PREB: variants seen among roughly 807,000 people sequenced by gnomAD.
The protein encoded by PREB is guanine nucleotide-exchange factor SEC12.
A neutral mutation model predicts 46.7 loss-of-function variants in PREB; 29 were observed. That is an observed-to-expected ratio of 0.62 (90% CI 0.46 to 0.85). The LOEUF is 0.85. PREB is among the 40% of genes least tolerant of loss of function. The probability of loss-of-function intolerance (pLI) is 0.00; values close to 1 mark genes in which losing one functional copy is unlikely to be tolerated. For missense variants in PREB, 494 were observed against 528.4 expected (o/e 0.93, Z 0.64); for synonymous variants, 224 against 220.1 (o/e 1.02, Z -0.16).
In PREB at chr2:27,132,347, G is replaced by A. The variant is rs11542375; in HGVS notation, c.809C>T (p.Pro270Leu). ...AGGGGGCTGGCGCAGGCGCTTGTGG[G>A]GAATTTGCACTGTGAAGAGTCGCAG... ...AGLRLFTVQI[P>L]HKRLRQPPPC... Residue 270 changes from proline to leucine, a missense_variant, in exon 6 of 9, where the codon CCC (proline) becomes CTC (leucine). Coordinates refer to ENST00000260643, the MANE Select transcript of PREB (RefSeq NM_013388.6). This position sits in a 1 kb window ranked among gnomAD's most constrained non-coding sequence, Gnocchi z 4.0. 6.2e-7 allele frequency: 1 copy of A among 1,613,964 alleles called. No individual in the cohort carries two copies. The highest frequency in any genetic ancestry group is 8.5e-7 in the Non-Finnish European group (1 of 1,180,008).
Position 27,133,125 on chromosome 2 carries a change from C to A in PREB, c.538G>T (p.Val180Phe), listed in dbSNP as rs780169483. ...ATGGTDGYVR[V>F]WKVPSLEKVL... ...ACCCTGCAAACCCACACCTTCCAGA[C>A]ACGGACGTAGCCATCTGTTCCTCCA... The change falls in exon 3 of 9, where the codon GTC (valine) becomes TTC (phenylalanine). Residue 180 changes from valine to phenylalanine, a missense_variant. Physicochemically the swap from Val to Phe is conservative, Grantham distance 50. Transcript: ENST00000260643. The A allele has an allele frequency of 4.3e-6, 7 of 1,614,190 alleles. No individual in the cohort carries two copies. In the South Asian group the frequency reaches 5.5e-5, roughly 13 times the overall value.
At chr2:27,133,927 C>T (rs2148420924) in intron 1 of PREB, 2 of 630,050 alleles carry the variant, frequency 3.2e-6, no homozygotes, top group Admixed American at 3.1e-5. Context: ...CAGGGTGAAG[C>T]TCAGGAGAGG....
chr2:27,134,432 G>A lies in PREB; in HGVS notation c.-11C>T. On this transcript the variant is annotated 5_prime_UTR_variant, in exon 1 of 9. Coordinates refer to ENST00000260643, the MANE Select transcript of PREB (RefSeq NM_013388.6). ...CCGGCGCCGGCCCATCCCGCCCGGCGCGCGTTCACTGCCCGCACCGCGGCA... is the reference window on the plus strand; with the variant it reads ...CCGGCGCCGGCCCATCCCGCCCGGCACGCGTTCACTGCCCGCACCGCGGCA... The A allele has an allele frequency of 1.9e-6, 3 of 1,551,998 alleles. No homozygotes were observed. The highest frequency in any genetic ancestry group is 2.6e-6 in the Non-Finnish European group (3 of 1,155,928).
chr2:27,133,734 G>A lies in PREB; in HGVS notation c.136-13C>T. 6.2e-7 allele frequency: 1 copy of A among 1,612,494 alleles called. No individual in the cohort carries two copies. On this transcript the variant is annotated splice_polypyrimidine_tract_variant and intron_variant, in intron 1 of 8. Transcript: ENST00000260643. ...GCTGCAGAAAGTGCTGTGGGAGGGG[G>A]AACCCGGATGAGCAAGTTCAGGGGT... is the stretch of plus-strand genomic sequence containing the variant.
rs1572344319 is a variant in PREB, at chr2:27,131,007, G to T, written c.*407C>A. On this transcript the variant is annotated 3_prime_UTR_variant, in exon 9 of 9. Transcript: ENST00000260643. ...CCCCAGCAAATGCCAGGGGCTTCAT[G>T]TGAAGAGGAACTGGCCACAAGGCTG... The T allele has an allele frequency of 1.8e-6, 1 of 555,774 alleles. No homozygotes were observed. The highest frequency in any genetic ancestry group is 3.2e-6 in the Non-Finnish European group (1 of 311,068). The allele number at this position is 555,774 out of a possible 1,614,324, so 34.4% of individuals were successfully genotyped here. A position where few individuals can be genotyped will look rare whatever the true frequency, so the allele number is the denominator to read the frequency against.
At chr2:27,134,120 T>A in intron 1 of PREB, 167 bp downstream of exon 1, 11 of 917,174 alleles carry the variant, frequency 1.2e-5, no homozygotes, top group Admixed American at 3.1e-5. Flanking sequence ...CTCCGCCCGC[T>A]GAGTTCTCGA....
In PREB at chr2:27,132,128, C is replaced by T. The variant is rs535069435; in HGVS notation, c.927-46G>A. On this transcript the variant is annotated intron_variant, in intron 6 of 8. Coordinates refer to ENST00000260643, the MANE Select transcript of PREB (RefSeq NM_013388.6). This position sits in a 1 kb window ranked among gnomAD's most constrained non-coding sequence, Gnocchi z 4.0. ...CTCATTGTCCTGGAGGCTTGTGCAG[C>T]AACCCTCATACCCCAATACCGGTCC... 1.2e-6 allele frequency: 2 copies of T among 1,610,704 alleles called. No individual in the cohort carries two copies. The highest frequency in any genetic ancestry group is 2.2e-5 in the East Asian group (1 of 44,862).
chr2:27,133,770 C>G, intron 1 of PREB, 49 bp from the exon 2 acceptor site: 1 of 1,572,544 alleles, frequency 6.4e-7, no homozygotes, highest in Non-Finnish European at 8.7e-7. Flanking sequence ...GCCCAGAGAG[C>G]ACGTTTAGGG....
Position 27,133,709 on chromosome 2 carries a change from G to A in PREB, c.148C>T (p.Leu50=), listed in dbSNP as rs144667388. Residue 50 remains leucine (L), a synonymous_variant, in exon 2 of 9, where the codon CTA becomes TTA. Coordinates refer to ENST00000260643, the MANE Select transcript of PREB (RefSeq NM_013388.6). ...CTCAAGCGCCCATTAATCAGCTCTA[G>A]CTGCAGAAAGTGCTGTGGGAGGGGG... The part of the protein sequence containing the change: ...GIKNGVHFLQ[L]ELINGRLSAS... 1.3e-4 allele frequency: 213 copies of A among 1,613,808 alleles called. No homozygotes were observed. The highest frequency in any genetic ancestry group is 1.7e-4 in the Non-Finnish European group (201 of 1,179,886).
At chr2:27,134,146 G>A in intron 1 of PREB, 141 bp downstream of exon 1, 3 of 1,145,570 alleles carry the variant, frequency 2.6e-6, no homozygotes, top group African/African-American at 3.2e-5. Flanking sequence ...ATTCGCCCCT[G>A]GGCGTCAGGC....
chr2:27,132,251 A>G lies in PREB; in HGVS notation c.905T>C (p.Val302Ala), dbSNP rs764375541. ...ACACCTGACATCGAGGCAGGAGACG[A>G]CTTCATGGCCACAGGACTTGGTCCG... ...PLRTKSCGHEVVSCLDVSESG... is the reference protein window; with the variant it reads ...PLRTKSCGHEAVSCLDVSESG... The change falls in exon 6 of 9, where the codon GTC becomes GCC. Residue 302 changes from valine (V) to alanine (A), a missense_variant. Val to Ala is a moderately conservative substitution (Grantham distance 64). Transcript: ENST00000260643. The surrounding 1 kb of genome is among the most constrained non-coding windows in gnomAD (Gnocchi z 4.0). 2.5e-6 allele frequency: 4 copies of G among 1,614,164 alleles called. No homozygotes were observed. Among genetic ancestry groups the G allele is most frequent in the Non-Finnish European group, 3.4e-6 (4 of 1,180,020 alleles).
At position 27,134,078 on chromosome 2, in the gene PREB, G is replaced by A. The variant is rs377229355; in HGVS notation, c.135+209C>T. The stretch of plus-strand genomic sequence containing the variant: ...GCGTTCCTGGCGACTCTGCAGCTGT[G>A]TGCAGTTTTCACTTTACCTTAAAAG... On this transcript the variant is annotated intron_variant, in intron 1 of 8. Coordinates refer to ENST00000260643, the MANE Select transcript of PREB (RefSeq NM_013388.6). 5.1e-4 allele frequency: 361 copies of A among 702,784 alleles called. No individual in the cohort carries two copies. In the African/African-American group the frequency reaches 6.1e-3, roughly 12 times the overall value. 43.5% of individuals were successfully genotyped at this position (702,784 alleles called of 1,614,324 possible). A position where few individuals can be genotyped will look rare whatever the true frequency, so the allele number is the denominator to read the frequency against.
chr2:27,134,163 G>A (rs1337473271), intron 1 of PREB, 124 bp downstream of exon 1: 14 of 1,277,468 alleles, frequency 1.1e-5, no homozygotes, highest in African/African-American at 1.5e-5. Context: ...AGGCAAGCGG[G>A]TCTTCCCAAC....
chr2:27,131,083 C>A lies in PREB; in HGVS notation c.*331G>T, dbSNP rs532871872. The A allele has an allele frequency of 3.9e-6, 2 of 512,518 alleles. No individual in the cohort carries two copies. Among genetic ancestry groups the A allele is most frequent in the South Asian group, 2.3e-5 (1 of 43,466 alleles). The allele number at this position is 512,518 out of a possible 1,614,324, so 31.7% of individuals were successfully genotyped here. A position where few individuals can be genotyped will look rare whatever the true frequency, so the allele number is the denominator to read the frequency against. The stretch of plus-strand genomic sequence containing the variant: ...CAGGAAGGACAGCAGTGCCTCCAGG[C>A]TCTTGGGCATCTTCACATGTTTCTA... On this transcript the variant is annotated 3_prime_UTR_variant, in exon 9 of 9. Transcript: ENST00000260643.
Position 27,130,920 on chromosome 2 carries a change from T to C in PREB, c.*494A>G. 1 of 730,508 alleles carries C rather than the reference T, an allele frequency of 1.4e-6. No homozygotes were observed. The allele number at this position is 730,508 out of a possible 1,614,324, so 45.3% of individuals were successfully genotyped here. A position where few individuals can be genotyped will look rare whatever the true frequency, so the allele number is the denominator to read the frequency against. ...GTGCTACCCATCTGAACCCCCAGATTACTACCCAAGTCTTCCTTTTGCCCC... is the reference window on the plus strand; with the variant it reads ...GTGCTACCCATCTGAACCCCCAGATCACTACCCAAGTCTTCCTTTTGCCCC... On this transcript the variant is annotated 3_prime_UTR_variant, in exon 9 of 9. Transcript: ENST00000260643.
At position 27,131,656 on chromosome 2, in the gene PREB, T is replaced by C. The variant is rs746146314; in HGVS notation, c.1159+16A>G. On this transcript the variant is annotated intron_variant, in intron 8 of 8. Coordinates refer to ENST00000260643, the MANE Select transcript of PREB (RefSeq NM_013388.6). ...AACGTGGGGTGGTGCCTGCCTGCCC[T>C]GCCCCAATGACTCACGCCGTGAGGG... The C allele has an allele frequency of 1.2e-6, 2 of 1,613,214 alleles. No individual in the cohort carries two copies. The highest frequency in any genetic ancestry group is 1.7e-6 in the Non-Finnish European group (2 of 1,179,492).
intron 1 of PREB, 137 bp downstream of exon 1, chr2:27,134,150 G>A (rs1027606415): frequency 1.7e-6 from 2 of 1,191,174 alleles, no homozygotes; most frequent in Admixed American, 3.1e-5. Flanking sequence ...GCCCCTGGGC[G>A]TCAGGCAAGC....
chr2:27,131,597 G>C (rs531493106), intron 8 of PREB, 75 bp downstream of exon 8: 1 of 1,597,678 alleles, frequency 6.3e-7, no homozygotes, highest in East Asian at 2.2e-5. Flanking sequence ...GGCACAAAGA[G>C]CCCAGCCTCC....
rs913254552 is a variant in PREB at position 27,134,596 on chromosome 2, T to G, written c.-175A>C. 2 of 1,336,356 alleles carry G rather than the reference T, an allele frequency of 1.5e-6. No homozygotes were observed. Among genetic ancestry groups the G allele is most frequent in the South Asian group, 3.9e-5 (2 of 51,570 alleles). 82.8% of individuals were successfully genotyped at this position (1,336,356 alleles called of 1,614,324 possible). A position where few individuals can be genotyped will look rare whatever the true frequency, so the allele number is the denominator to read the frequency against. ...CTGACCATCAGCAGGAAGCCGAGCC[T>G]CAGCTCGGCTCCGTCCAAGTCGGTC... On this transcript the variant is annotated 5_prime_UTR_variant, in exon 1 of 9. Transcript: ENST00000260643.
Sources: allele counts gnomAD v4.1 joint callset, GRCh38; gene constraint gnomAD v4.1.1; non-coding constraint Gnocchi (gnomAD v3.1); transcripts MANE v1.5; gene names NCBI Gene and HGNC (gene_info 2026-07-23, HGNC 2026-07-21).